AFDN: variants seen among roughly 807,000 people sequenced by gnomAD.
AFDN encodes afadin, adherens junction formation factor.
AFDN carries 68 observed loss-of-function variants against 216.6 expected under a neutral mutation model. The ratio of observed to expected loss-of-function variants is 0.31; its 90% CI spans 0.26 to 0.38. AFDN has a LOEUF of 0.38. Among genes scored for constraint, AFDN ranks in the 10% least tolerant of loss-of-function variants. AFDN has a pLI of 1.00. For synonymous variants in AFDN, 868 were observed against 853.7 expected (o/e 1.02, Z -0.29); for missense variants, 2,136 against 2,342.0 (o/e 0.91, Z 1.82).
At chr6:167,954,585 A>G in intron 30 of AFDN, 1 of 1,127,922 alleles carries the variant, frequency 8.9e-7, no homozygotes. Context: ...CAGTAGATCC[A>G]GTTCTCCTTA....
intron 2 of AFDN, among the ~76,000 whole-genome samples, chr6:167,866,953 A>G (rs755176904): frequency 2.6e-5 from 4 of 152,236 alleles, no homozygotes; most frequent in Non-Finnish European, 5.9e-5. Context: ...GAAGCTCTGC[A>G]TCTATTCTTT....
intron 1 of AFDN, among the ~76,000 whole-genome samples, chr6:167,841,689 T>A (rs1362707663): frequency 6.6e-6 from 1 of 152,248 alleles, no homozygotes; most frequent in Non-Finnish European, 1.5e-5. Flanking sequence ...CTGTAAAGTT[T>A]CCTATTCTTT....
chr6:167,861,943 G>T (rs1301824028), intron 1 of AFDN, among the ~76,000 whole-genome samples: 4 of 152,108 alleles, frequency 2.6e-5, no homozygotes, highest in Admixed American at 6.5e-5. Context: ...TTAACTTCTT[G>T]TATAAGGGTG....
intron 30 of AFDN, among the ~76,000 whole-genome samples, chr6:167,960,758 C>T (rs1461382845): frequency 9.2e-5 from 14 of 152,160 alleles, no homozygotes; most frequent in Non-Finnish European, 2.1e-4. Flanking sequence ...GGAGCTGTGG[C>T]TGGTTCTGTC....
intron 21 of AFDN, among the ~76,000 whole-genome samples, chr6:167,919,629 T>C (rs541276084): frequency 4.6e-5 from 7 of 152,272 alleles, no homozygotes; most frequent in Non-Finnish European, 7.3e-5. Context: ...TGTGAAGGGC[T>C]TATAGCCCTG....
intron 23 of AFDN, among the ~76,000 whole-genome samples, chr6:167,933,529 G>A (rs1473162291): frequency 1.3e-5 from 2 of 152,070 alleles, no homozygotes; most frequent in Non-Finnish European, 2.9e-5. Context: ...AGGAAATTCC[G>A]GGTTCCTTTT....
At chr6:167,969,283 C>T (rs925203585) in intron 33 of AFDN, 85 bp downstream of exon 33, 1 of 1,027,916 alleles carries the variant, frequency 9.7e-7, no homozygotes, top group African/African-American at 1.6e-5. Context: ...ATTATGTAAA[C>T]AGACTTCATG....
At chr6:167,922,604 A>G (rs1050255845) in intron 21 of AFDN, among the ~76,000 whole-genome samples, 3 of 152,216 alleles carry the variant, frequency 2.0e-5, no homozygotes, top group African/African-American at 7.2e-5. Context: ...AGGAGTAAGA[A>G]AAAAGTTCTT....
chr6:167,871,466 G>C (rs1357289833), intron 3 of AFDN, among the ~76,000 whole-genome samples: 1 of 152,132 alleles, frequency 6.6e-6, no homozygotes, highest in Non-Finnish European at 1.5e-5. Flanking sequence ...TGAATCAAAT[G>C]GCAGTGTTCA....
chr6:167,841,009 G>A (rs150223763), intron 1 of AFDN, among the ~76,000 whole-genome samples: 3,019 of 152,294 alleles, frequency 0.02, 55 homozygotes, highest in Non-Finnish European at 0.033. Context: ...GCCTTCCTGC[G>A]CTTGTGTCTG....
intron 1 of AFDN, among the ~76,000 whole-genome samples, chr6:167,861,755 G>A (rs1480170805): frequency 2.0e-5 from 3 of 152,032 alleles, no homozygotes; most frequent in African/African-American, 7.2e-5. Flanking sequence ...TTTTCTTTTG[G>A]TTCTTTAATA....
chr6:167,913,526 C>G, intron 16 of AFDN, 103 bp downstream of exon 16: 2 of 1,047,904 alleles, frequency 1.9e-6, no homozygotes, highest in African/African-American at 1.6e-5. Flanking sequence ...CTGAACAGCT[C>G]ATAACACTCA....
chr6:167,876,812 G>C (rs765921958), intron 5 of AFDN, among the ~76,000 whole-genome samples: 6 of 151,912 alleles, frequency 3.9e-5, no homozygotes, highest in Non-Finnish European at 5.9e-5. Flanking sequence ...TTGTATGTCA[G>C]TTAGCTTATG....
At chr6:167,840,320 C>T (rs1197502691) in intron 1 of AFDN, among the ~76,000 whole-genome samples, 2 of 152,158 alleles carry the variant, frequency 1.3e-5, no homozygotes, top group East Asian at 1.9e-4. Context: ...TACTGTTCCT[C>T]GTTATTCACT....
At chr6:167,890,727 A>T in intron 7 of AFDN, 135 bp from the exon 8 acceptor site, 1 of 758,464 alleles carries the variant, frequency 1.3e-6, no homozygotes, top group Non-Finnish European at 2.1e-6. Context: ...GGTAAGCTGT[A>T]CACAGTGATT....
At chr6:167,860,736 C>T (rs557186732) in intron 1 of AFDN, among the ~76,000 whole-genome samples, 18 of 152,166 alleles carry the variant, frequency 1.2e-4, no homozygotes, top group Non-Finnish European at 2.5e-4. Context: ...GATGTCTAGA[C>T]GTGGTGGATG....
intron 10 of AFDN, 48 bp downstream of exon 10, chr6:167,897,020 T>C: frequency 9.3e-7 from 1 of 1,075,882 alleles, no homozygotes; most frequent in Admixed American, 1.7e-5. Context: ...CCAGGAGGCA[T>C]AACGTATTGT....
intron 23 of AFDN, among the ~76,000 whole-genome samples, chr6:167,934,989 G>A (rs1161978266): frequency 5.3e-5 from 8 of 152,174 alleles, no homozygotes; most frequent in Admixed American, 5.2e-4. Flanking sequence ...CAGTTCTAGG[G>A]AAAGTTGAAT....
At chr6:167,937,677 A>G (rs1402944242) in intron 23 of AFDN, among the ~76,000 whole-genome samples, 2 of 152,236 alleles carry the variant, frequency 1.3e-5, no homozygotes, top group Non-Finnish European at 2.9e-5. Flanking sequence ...AAGAAAATAG[A>G]ATGTGTCTTA....
Sources: gnomAD v4.1 joint callset for allele counts (sites outside exome capture counted in the v4.1 genomes callset) on GRCh38, gnomAD v4.1.1 for gene constraint, MANE v1.5 for transcripts, NCBI Gene and HGNC (gene_info 2026-07-23, HGNC 2026-07-21) for gene names.